LHFPL3: variants seen among roughly 807,000 people sequenced by gnomAD.
LHFPL3 encodes the protein LHFPL tetraspan subfamily member 3 protein.
LHFPL3 carries 5 observed loss-of-function variants against 19.3 expected under a neutral mutation model. The observed-to-expected ratio is 0.26, with a 90% CI of 0.14 to 0.54. LHFPL3 has a LOEUF of 0.54. Ranked by LOEUF, LHFPL3 falls within the 20% of genes least tolerant of loss-of-function variation. The pLI, the probability that LHFPL3 is intolerant of heterozygous loss-of-function variation, is 0.94. For missense variants in LHFPL3, 249 were observed against 307.4 expected (o/e 0.81, Z 1.42); for synonymous variants, 133 against 126.2 (o/e 1.05, Z -0.36).
intron 1 of LHFPL3, 98 bp downstream of exon 1, chr7:104,329,322 C>T: frequency 7.0e-7 from 1 of 1,430,780 alleles, no homozygotes; most frequent in Middle Eastern, 2.3e-4. Flanking sequence ...CGCGCCGCTG[C>T]GAGCCAAGCC....
At chr7:104,758,401 G>A (rs11974563) in intron 2 of LHFPL3, among the ~76,000 whole-genome samples, 29,664 of 151,952 alleles carry the variant, frequency 0.2, 3,470 homozygotes, top group South Asian at 0.43. Flanking sequence ...CTAGCAATGA[G>A]CCCTATACAT....
intron 1 of LHFPL3, among the ~76,000 whole-genome samples, chr7:104,428,901 T>C (rs936439765): frequency 1.3e-5 from 2 of 152,114 alleles, no homozygotes; most frequent in African/African-American, 4.8e-5. Flanking sequence ...TACGTACACA[T>C]ACTAGCCTCT....
intron 1 of LHFPL3, among the ~76,000 whole-genome samples, chr7:104,510,347 G>C (rs1183576297): frequency 6.6e-6 from 1 of 152,138 alleles, no homozygotes; most frequent in East Asian, 1.9e-4. Flanking sequence ...TCTAGCTAAA[G>C]TAATCAAGAC....
At chr7:104,860,705 C>T (rs1299435564) in intron 2 of LHFPL3, among the ~76,000 whole-genome samples, 1 of 152,202 alleles carries the variant, frequency 6.6e-6, no homozygotes, top group Non-Finnish European at 1.5e-5. Flanking sequence ...TATTTCATCT[C>T]CTAGAATGTA....
At chr7:104,601,428 A>G (rs1393575870) in intron 1 of LHFPL3, among the ~76,000 whole-genome samples, 1 of 152,218 alleles carries the variant, frequency 6.6e-6, no homozygotes, top group Non-Finnish European at 1.5e-5. Flanking sequence ...TGTTAGGTAT[A>G]GCAGTGAACA....
At chr7:104,705,140 A>C (rs978957031) in intron 1 of LHFPL3, among the ~76,000 whole-genome samples, 2 of 152,182 alleles carry the variant, frequency 1.3e-5, no homozygotes, top group African/African-American at 4.8e-5. Flanking sequence ...AATTTTACCA[A>C]GCTATGGCAG....
rs1791257701 is a variant in LHFPL3, at chr7:104,399,137, G to C, written c.445+69913G>C. Among the ~76,000 whole-genome samples, 1 of 152,092 alleles carries C rather than the reference G, an allele frequency of 6.6e-6. No individual in the cohort carries two copies. The highest frequency in any genetic ancestry group is 6.5e-5 in the Admixed American group (1 of 15,270). ...GGGGGAAGATGTCACTTCCTATGGG[G>C]TTTTCTGGGGAATGGAGAGTTTCAG... On this transcript the variant is annotated intron_variant, in intron 1 of 2. Transcript: ENST00000424859. This position sits in a 1 kb window ranked among gnomAD's most constrained non-coding sequence, Gnocchi z 4.4.
chr7:104,540,215 T>C (rs1454127409), intron 1 of LHFPL3, among the ~76,000 whole-genome samples: 1 of 152,074 alleles, frequency 6.6e-6, no homozygotes, highest in Non-Finnish European at 1.5e-5. Context: ...CCTACCTTAC[T>C]CAGCTAAAAT....
At chr7:104,902,253 G>C (rs35336178) in intron 2 of LHFPL3, among the ~76,000 whole-genome samples, 13,551 of 151,018 alleles carry the variant, frequency 0.09, 843 homozygotes, top group Non-Finnish European at 0.13. Context: ...ATGGTAACGC[G>C]TGCCTGTGGT....
At chr7:104,877,838 A>AT (rs36063537) in intron 2 of LHFPL3, among the ~76,000 whole-genome samples, 6,895 of 147,816 alleles carry the variant, frequency 0.047, 509 homozygotes, top group African/African-American at 0.16. Context: ...TTATAGCAGC[A>AT]TTTTTTTTTT....
intron 1 of LHFPL3, among the ~76,000 whole-genome samples, chr7:104,657,651 G>C (rs1792144785): frequency 6.6e-6 from 1 of 152,160 alleles, no homozygotes. Flanking sequence ...TACTGGTCTG[G>C]TTCCAAATCC....
At chr7:104,864,936 G>C (rs184657966) in intron 2 of LHFPL3, among the ~76,000 whole-genome samples, 12 of 152,300 alleles carry the variant, frequency 7.9e-5, no homozygotes, top group African/African-American at 2.9e-4. Context: ...CTGTTCTGCA[G>C]CCTCCACTGC....
intron 1 of LHFPL3, among the ~76,000 whole-genome samples, chr7:104,454,466 C>T (rs140089375): frequency 1.3e-3 from 205 of 152,282 alleles, no homozygotes; most frequent in South Asian, 2.9e-3. Context: ...TTAGTACATC[C>T]TTGCCTGCCA....
At chr7:104,824,843 T>C (rs926340657) in intron 2 of LHFPL3, among the ~76,000 whole-genome samples, 5 of 131,200 alleles carry the variant, frequency 3.8e-5, no homozygotes, top group South Asian at 2.2e-4. Flanking sequence ...ATATATTATA[T>C]ATTATCTAAT....
chr7:104,625,565 A>G (rs1164085680), intron 1 of LHFPL3, among the ~76,000 whole-genome samples: 1 of 152,132 alleles, frequency 6.6e-6, no homozygotes, highest in African/African-American at 2.4e-5. Flanking sequence ...GTTTTTTTTT[A>G]ATCATAAAGG....
At chr7:104,468,576 A>G (rs1483871896) in intron 1 of LHFPL3, among the ~76,000 whole-genome samples, 6 of 151,928 alleles carry the variant, frequency 3.9e-5, no homozygotes, top group Non-Finnish European at 7.4e-5. Flanking sequence ...TCAGACTGAG[A>G]GTTGCATACA....
intron 1 of LHFPL3, among the ~76,000 whole-genome samples, chr7:104,354,351 A>G (rs538479818): frequency 1.3e-5 from 2 of 152,314 alleles, no homozygotes; most frequent in African/African-American, 2.4e-5. Context: ...GGAAGTGGAC[A>G]TCTTGTACAC....
chr7:104,530,027 T>C (rs1794265736), intron 1 of LHFPL3, among the ~76,000 whole-genome samples: 1 of 152,194 alleles, frequency 6.6e-6, no homozygotes, highest in Admixed American at 6.5e-5. Context: ...ATGGGGGCTA[T>C]GTTGTATTTT....
chr7:104,452,200 T>G (rs1369600390), intron 1 of LHFPL3, among the ~76,000 whole-genome samples: 1 of 152,152 alleles, frequency 6.6e-6, no homozygotes, highest in African/African-American at 2.4e-5. Context: ...TTGTGTGATT[T>G]TTACATGAAT....
Sources: gnomAD v4.1 joint callset for allele counts (sites outside exome capture counted in the v4.1 genomes callset) on GRCh38, gnomAD v4.1.1 for gene constraint, Gnocchi (gnomAD v3.1) non-coding constraint, MANE v1.5 for transcripts, NCBI Gene and HGNC (gene_info 2026-07-23, HGNC 2026-07-21) for gene names.